ATP8A1: variants seen among roughly 807,000 people sequenced by gnomAD.
ATP8A1 encodes the protein ATPase phospholipid transporting 8A1.
In ATP8A1, 90 loss-of-function variants were observed where a neutral mutation model predicts 177.7. That is an observed-to-expected ratio of 0.51 (90% confidence interval 0.43 to 0.60). The LOEUF (loss-of-function observed/expected upper bound fraction) is 0.60, where lower values mean the gene tolerates loss of function less well. Among genes scored for constraint, ATP8A1 ranks in the 20% least tolerant of loss-of-function variants. The probability of loss-of-function intolerance (pLI) is 0.00; values close to 1 mark genes in which losing one functional copy is unlikely to be tolerated. For synonymous variants in ATP8A1, 493 were observed against 485.9 expected (o/e 1.01, Z -0.19); for missense variants, 1,072 against 1,392.8 (o/e 0.77, Z 3.67).
chr4:42,652,642 G>T (rs1450400810), intron 1 of ATP8A1, among the ~76,000 whole-genome samples: 1 of 152,038 alleles, frequency 6.6e-6, no homozygotes, highest in African/African-American at 2.4e-5. Context: ...CAAGTGTTGT[G>T]GAAGAGACCT....
rs552033266 is a variant in ATP8A1, at chr4:42,511,646, T to C, written c.1948-4492A>G. Among the ~76,000 whole-genome samples, 6 of 152,276 alleles carry C rather than the reference T, an allele frequency of 3.9e-5. No homozygotes were observed. In the South Asian group the frequency reaches 1.2e-3, roughly 32 times the overall value. On this transcript the variant is annotated intron_variant, in intron 22 of 36. Coordinates refer to ENST00000381668, the MANE Select transcript of ATP8A1 (RefSeq NM_006095.2). Reference sequence around the variant, plus strand: ...GAATTTTTAAAAAGGCACATAAATGTAACATTTCTACTGTAAGTGAGGACA... The same window carrying C: ...GAATTTTTAAAAAGGCACATAAATGCAACATTTCTACTGTAAGTGAGGACA...
intron 24 of ATP8A1, among the ~76,000 whole-genome samples, chr4:42,488,278 C>T (rs1338784354): frequency 6.6e-6 from 1 of 152,168 alleles, no homozygotes; most frequent in Non-Finnish European, 1.5e-5. Context: ...CTACTGTTAT[C>T]TCCATTCTGC....
chr4:42,558,863 T>C (rs998031382), intron 15 of ATP8A1, among the ~76,000 whole-genome samples: 1 of 152,202 alleles, frequency 6.6e-6, no homozygotes, highest in Admixed American at 6.5e-5. Context: ...TAAATCTAAA[T>C]ATTTCTGCAT....
At chr4:42,641,687 C>T (rs183930118) in intron 1 of ATP8A1, among the ~76,000 whole-genome samples, 1 of 152,284 alleles carries the variant, frequency 6.6e-6, no homozygotes, top group East Asian at 1.9e-4. Context: ...AACTGAATTA[C>T]AGCTCTGAAT....
intron 3 of ATP8A1, 70 bp downstream of exon 3, chr4:42,625,544 G>A: frequency 9.8e-7 from 1 of 1,021,236 alleles, no homozygotes; most frequent in Non-Finnish European, 1.4e-6. Flanking sequence ...ATAAACCTCA[G>A]GGGATTGGTC....
chr4:42,591,366 T>C (rs1734161744), intron 6 of ATP8A1, among the ~76,000 whole-genome samples: 1 of 152,088 alleles, frequency 6.6e-6, no homozygotes, highest in Non-Finnish European at 1.5e-5. Flanking sequence ...AAAAAAACTA[T>C]TAAAAATGTT....
At chr4:42,625,491 G>C in intron 3 of ATP8A1, 123 bp downstream of exon 3, 1 of 561,372 alleles carries the variant, frequency 1.8e-6, no homozygotes, top group African/African-American at 1.9e-5. Context: ...TGCAGCAGGA[G>C]CCAGAAATGT....
chr4:42,647,203 C>T (rs1740625837), intron 1 of ATP8A1, among the ~76,000 whole-genome samples: 1 of 151,980 alleles, frequency 6.6e-6, no homozygotes, highest in South Asian at 2.1e-4. Context: ...GAGCTGAAGA[C>T]TTAAACCTCA....
Position 42,411,745 on chromosome 4 carries a change from T to C in ATP8A1, c.*1171A>G, listed in dbSNP as rs983317115. The stretch of plus-strand genomic sequence containing the variant: ...ATCCGCATTTTTTAAATGGGGAAAA[T>C]GTACTACCTATTTGTCCCAATAAGC... On this transcript the variant is annotated 3_prime_UTR_variant, in exon 37 of 37. Transcript: ENST00000381668. 1 of 152,120 alleles carries C rather than the reference T, an allele frequency of 6.6e-6. No individual in the cohort carries two copies. Among genetic ancestry groups the C allele is most frequent in the African/African-American group, 2.4e-5 (1 of 41,412 alleles). 9.4% of individuals were successfully genotyped at this position (152,120 alleles called of 1,614,324 possible).
At chr4:42,502,664 T>C (rs1723971163) in intron 24 of ATP8A1, among the ~76,000 whole-genome samples, 1 of 152,158 alleles carries the variant, frequency 6.6e-6, no homozygotes, top group Non-Finnish European at 1.5e-5. Flanking sequence ...GACAAAGACA[T>C]CAACACCATC....
chr4:42,561,614 GGTCT>G (rs1236909875), intron 15 of ATP8A1: 1 of 152,240 alleles, frequency 6.6e-6, no homozygotes, highest in Non-Finnish European at 1.5e-5. Flanking sequence ...AATTGGATGA[GGTCT>G]GTCTCTAAGA....
intron 19 of ATP8A1, among the ~76,000 whole-genome samples, chr4:42,545,159 CAAAAAAA>C (rs150594728): frequency 3.6e-5 from 3 of 83,692 alleles, no homozygotes; most frequent in African/African-American, 1.2e-4. Flanking sequence ...GACTCCGTCT[CAAAAAAA>C]AAAAAAAAAA....
chr4:42,455,027 T>A lies in ATP8A1; in HGVS notation c.2817+270A>T, dbSNP rs769276271. Among the ~76,000 whole-genome samples the A allele has an allele frequency of 2.6e-5, 4 of 152,158 alleles. No individual in the cohort carries two copies. The South Asian group carries it at 8.3e-4, about 32-fold the overall frequency. On this transcript the variant is annotated intron_variant, in intron 29 of 36. Transcript: ENST00000381668. ...CCAAAAGGACAATGATTTTTATACG[T>A]CAGGCCAGCTTTATTGCTGCCTTAC...
intron 23 of ATP8A1, among the ~76,000 whole-genome samples, chr4:42,503,913 G>A (rs1724101894): frequency 6.6e-6 from 1 of 152,142 alleles, no homozygotes; most frequent in Non-Finnish European, 1.5e-5. Flanking sequence ...GCTGTCTCTT[G>A]GATCCGCTGA....
intron 9 of ATP8A1, 93 bp downstream of exon 9, chr4:42,586,256 A>G: frequency 6.9e-7 from 1 of 1,442,494 alleles, no homozygotes; most frequent in South Asian, 1.4e-5. Context: ...AACTTAGCAC[A>G]CAAGAAGATA....
At chr4:42,522,745 C>T (rs554417556) in intron 21 of ATP8A1, among the ~76,000 whole-genome samples, 12 of 152,298 alleles carry the variant, frequency 7.9e-5, no homozygotes, top group East Asian at 1.9e-4. Context: ...CTTTTCCCAA[C>T]GACTGCCCAC....
At position 42,446,745 on chromosome 4, in the gene ATP8A1, GAT is replaced by G. The variant is rs1235220914; in HGVS notation, c.2897-103_2897-102del. 28 of 958,874 alleles carry G rather than the reference GAT, an allele frequency of 2.9e-5. No homozygotes were observed. The East Asian group carries it at 7.4e-4, about 25-fold the overall frequency. 59.4% of individuals were successfully genotyped at this position (958,874 alleles called of 1,614,324 possible). On this transcript the variant is annotated intron_variant, in intron 30 of 36. Transcript: ENST00000381668. ...TTGAACGAAGGAAGGGAAATCAAGG[GAT>G]ACACAATGGAGCCAGAAATGAGATT...
Position 42,544,001 on chromosome 4 carries a change from T to C in ATP8A1, c.1653-15A>G. On this transcript the variant is annotated splice_polypyrimidine_tract_variant and intron_variant, in intron 19 of 36. Transcript: ENST00000381668. ...TTTTCCTAGCACTGAAAGAAAGAGG[T>C]TTTGCATAATGTGTCATCATACCAA... 1 of 1,608,104 alleles carries C rather than the reference T, an allele frequency of 6.2e-7. No homozygotes were observed. The highest frequency in any genetic ancestry group is 8.5e-7 in the Non-Finnish European group (1 of 1,175,676).
At chr4:42,557,977 A>C (rs918261728) in intron 15 of ATP8A1, among the ~76,000 whole-genome samples, 5 of 152,140 alleles carry the variant, frequency 3.3e-5, no homozygotes, top group African/African-American at 7.2e-5. Context: ...CGGTGAGCCG[A>C]AACTGCACCA....
Sources: gnomAD v4.1 joint callset for allele counts (sites outside exome capture counted in the v4.1 genomes callset) on GRCh38, gnomAD v4.1.1 for gene constraint, MANE v1.5 for transcripts, NCBI Gene and HGNC (gene_info 2026-07-23, HGNC 2026-07-21) for gene names.